RBFOX1: variants seen among roughly 807,000 people sequenced by gnomAD.
The protein encoded by RBFOX1 is RNA binding fox-1 homolog 1, also known as RNA binding protein fox-1 homolog 1.
RBFOX1 carries 8 observed loss-of-function variants against 57.7 expected under a neutral mutation model. The observed-to-expected ratio is 0.14, with a 90% CI of 0.08 to 0.25. RBFOX1 has a LOEUF of 0.25. Ranked by LOEUF, RBFOX1 falls within the 10% of genes least tolerant of loss-of-function variation. RBFOX1 has a pLI of 1.00. For missense variants in RBFOX1, 611 were observed against 548.5 expected, an observed-to-expected ratio of 1.11 and a Z score of -1.14; for synonymous variants, 326 against 222.4, an observed-to-expected ratio of 1.47 and a Z score of -4.15.
chr16:6,296,283 C>T lies in RBFOX1; in HGVS notation c.-126-20712C>T, dbSNP rs576152771. 3.2e-4 allele frequency among the ~76,000 whole-genome samples: 49 copies of T among 152,242 alleles called. 1 individual carries two copies. The highest frequency in any genetic ancestry group is 8.4e-4 in the African/African-American group (35 of 41,550). Reference sequence around the variant, plus strand: ...AAGAAAGGGGATAAACATTTGGCTCCGGAAGCAGAATCCTGGCTTTATTAC... The same window carrying T: ...AAGAAAGGGGATAAACATTTGGCTCTGGAAGCAGAATCCTGGCTTTATTAC... On this transcript the variant is annotated intron_variant, in intron 1 of 15. Transcript: ENST00000550418.
intron 14 of RBFOX1, chr16:7,693,169 C>G (rs892491909): frequency 1.2e-5 from 8 of 642,066 alleles, no homozygotes; most frequent in African/African-American, 3.6e-5. Flanking sequence ...TCTTTCTAAA[C>G]TCTGAGGTAC....
chr16:5,549,710 A>G (rs12148997), intron 2 of RBFOX1, among the ~76,000 whole-genome samples: 7,309 of 152,296 alleles, frequency 0.048, 193 homozygotes, highest in East Asian at 0.1. Context: ...ATGGTTTTAC[A>G]TACATTAAGT....
At chr16:5,773,641 C>T (rs960207855) in intron 3 of RBFOX1, among the ~76,000 whole-genome samples, 2 of 152,162 alleles carry the variant, frequency 1.3e-5, no homozygotes, top group African/African-American at 4.8e-5. Context: ...TGAGCAAGAA[C>T]GTGCATGGGA....
In RBFOX1 at chr16:6,608,657, G is replaced by A. The variant is rs2154022023; in HGVS notation, c.-63-45946G>A. 1.3e-5 allele frequency among the ~76,000 whole-genome samples: 2 copies of A among 152,328 alleles called. 1 individual carries two copies. Among genetic ancestry groups the A allele is most frequent in the South Asian group, 4.1e-4 (2 of 4,828 alleles). On this transcript the variant is annotated intron_variant, in intron 2 of 15. Transcript: ENST00000550418. ...TAACTAGTCATGGCGGCACATGCCT[G>A]TGGTCTCAGGAGGGTGAGGTAGAAG...
chr16:7,579,593 G>C (rs546473366), intron 5 of RBFOX1, among the ~76,000 whole-genome samples, 184 bp from the exon 6 acceptor site: 2 of 152,216 alleles, frequency 1.3e-5, no homozygotes, highest in South Asian at 2.1e-4. Context: ...TTCATAATGA[G>C]CACCCAGTGG....
chr16:5,685,897 T>G (rs2151446634), intron 3 of RBFOX1, among the ~76,000 whole-genome samples: 1 of 152,336 alleles, frequency 6.6e-6, no homozygotes, highest in South Asian at 2.1e-4. Flanking sequence ...AGATGTTCAT[T>G]GCAGCAATGT....
At chr16:6,805,158 C>T (rs562462590) in intron 3 of RBFOX1, among the ~76,000 whole-genome samples, 4 of 151,838 alleles carry the variant, frequency 2.6e-5, no homozygotes, top group Non-Finnish European at 5.9e-5. Context: ...CCAGCAATAA[C>T]AGATTGGCTA....
chr16:6,802,744 A>T (rs12444718), intron 3 of RBFOX1, among the ~76,000 whole-genome samples: 1 of 152,066 alleles, frequency 6.6e-6, no homozygotes, highest in African/African-American at 2.4e-5. Context: ...GGCAAAAGCC[A>T]TTCCCCCACG....
Position 6,229,443 on chromosome 16 carries a change from T to A in RBFOX1, c.-126-87552T>A, listed in dbSNP as rs577911755. Among the ~76,000 whole-genome samples the A allele has an allele frequency of 2.0e-5, 3 of 152,298 alleles. No homozygotes were observed. In the South Asian group the frequency reaches 6.2e-4, roughly 32 times the overall value. On this transcript the variant is annotated intron_variant, in intron 1 of 15. Transcript: ENST00000550418. ...ACAGTTTCCACCCTCCCTTTTGTTC[T>A]GTGTGTTTGAATCAAGAACCGGCAA...
At chr16:7,618,724 T>C (rs1293429031) in intron 10 of RBFOX1, among the ~76,000 whole-genome samples, 1 of 152,228 alleles carries the variant, frequency 6.6e-6, no homozygotes, top group South Asian at 2.1e-4. Context: ...TACATGTAGA[T>C]ACTCATTCTC....
intron 4 of RBFOX1, among the ~76,000 whole-genome samples, chr16:7,072,373 G>T (rs77801282): frequency 2.6e-5 from 4 of 152,034 alleles, no homozygotes; most frequent in African/African-American, 9.7e-5. Flanking sequence ...TTTGTTTTGT[G>T]GTTTACTTGG....
In RBFOX1 at chr16:5,529,118, A is replaced by G. The variant is rs191841573; in HGVS notation, c.258+61864A>G. Reference sequence around the variant, plus strand: ...CCTCCTCAGCACAAGTCACATTAATAGAGGACTCTCAGGCTGTGCAACTGT... The same window carrying G: ...CCTCCTCAGCACAAGTCACATTAATGGAGGACTCTCAGGCTGTGCAACTGT... On this transcript the variant is annotated intron_variant, in intron 2 of 2. Transcript: ENST00000585867. Among the ~76,000 whole-genome samples the G allele has an allele frequency of 5.9e-5, 9 of 152,180 alleles. No homozygotes were observed. The East Asian group carries it at 1.7e-3, about 30-fold the overall frequency.
chr16:7,288,155 C>G (rs570948144), intron 4 of RBFOX1, among the ~76,000 whole-genome samples: 2 of 152,194 alleles, frequency 1.3e-5, no homozygotes, highest in African/African-American at 4.8e-5. Flanking sequence ...TTTAAGATAC[C>G]CACAAGCACC....
chr16:5,647,367 C>G (rs2049087643), intron 3 of RBFOX1, among the ~76,000 whole-genome samples: 1 of 152,158 alleles, frequency 6.6e-6, no homozygotes, highest in African/African-American at 2.4e-5. Context: ...AATTAGGTCC[C>G]TTTTCTTCTT....
chr16:7,094,301 G>A (rs1334402945), intron 4 of RBFOX1, among the ~76,000 whole-genome samples: 1 of 152,104 alleles, frequency 6.6e-6, no homozygotes, highest in East Asian at 1.9e-4. Flanking sequence ...AAGCAATAGA[G>A]CATTGTTTTG....
intron 3 of RBFOX1, among the ~76,000 whole-genome samples, chr16:6,680,877 G>T (rs1183594389): frequency 2.6e-5 from 4 of 152,188 alleles, no homozygotes; most frequent in Non-Finnish European, 5.9e-5. Flanking sequence ...CAGCTACCAT[G>T]GTGAGCATAG....
chr16:5,774,097 T>C (rs2054067938), intron 3 of RBFOX1, among the ~76,000 whole-genome samples: 1 of 152,204 alleles, frequency 6.6e-6, no homozygotes, highest in South Asian at 2.1e-4. Context: ...TGTAGTTTCA[T>C]GGTTTACAAA....
chr16:6,525,341 G>T (rs977447975), intron 2 of RBFOX1, among the ~76,000 whole-genome samples: 1 of 152,178 alleles, frequency 6.6e-6, no homozygotes, highest in Non-Finnish European at 1.5e-5. Context: ...TGATGAATTT[G>T]GGCTGGTGTA....
intron 14 of RBFOX1, among the ~76,000 whole-genome samples, chr16:7,699,172 A>T (rs2079809338): frequency 6.6e-6 from 1 of 152,178 alleles, no homozygotes; most frequent in Non-Finnish European, 1.5e-5. Flanking sequence ...ACCTTGGGAC[A>T]CACTAACTGA....
Sources: gnomAD v4.1 joint callset for allele counts (sites outside exome capture counted in the v4.1 genomes callset) on GRCh38, gnomAD v4.1.1 for gene constraint, MANE v1.5 for transcripts, NCBI Gene and HGNC (gene_info 2026-07-23, HGNC 2026-07-21) for gene names.